Variants in GARIN2 observed in about 807,000 individuals in gnomAD.
The protein encoded by GARIN2 is Golgi-associated RAB2 interactor protein 2.
the GARIN2 span, among the ~76,000 whole-genome samples, chr14:67,196,256 G>A: frequency 1.4e-5 from 2 of 139,728 alleles, no homozygotes; most frequent in Admixed American, 7.4e-5. Flanking sequence ...TGCTCTTGTC[G>A]CCCAGCCTGC....
the GARIN2 span, chr14:67,201,638 C>G: frequency 4.8e-6 from 2 of 420,676 alleles, no homozygotes; most frequent in Admixed American, 2.6e-5. Flanking sequence ...CCACCACTAC[C>G]CATTTAAGTT....
chr14:67,226,755 T>G, the GARIN2 span, among the ~76,000 whole-genome samples: 1 of 152,140 alleles, frequency 6.6e-6, no homozygotes, highest in African/African-American at 2.4e-5. Flanking sequence ...AAACAACAAA[T>G]GTCCACACTC....
chr14:67,206,371 C>T, the GARIN2 span, among the ~76,000 whole-genome samples: 1 of 152,074 alleles, frequency 6.6e-6, no homozygotes, highest in African/African-American at 2.4e-5. Flanking sequence ...TAGTGGGTGC[C>T]TGTAATCCCA....
At chr14:67,200,076 T>C in the GARIN2 span, 1 of 969,872 alleles carries the variant, frequency 1.0e-6, no homozygotes, top group Non-Finnish European at 1.6e-6. Context: ...AACCACCACC[T>C]GGAATGCCTT....
At chr14:67,215,060 T>C in the GARIN2 span, among the ~76,000 whole-genome samples, 7 of 152,200 alleles carry the variant, frequency 4.6e-5, no homozygotes, top group Non-Finnish European at 8.8e-5. Flanking sequence ...CTTAAGGAGA[T>C]TCTGGGCTGA....
chr14:67,213,737 C>G, the GARIN2 span, among the ~76,000 whole-genome samples: 2 of 152,156 alleles, frequency 1.3e-5, no homozygotes, highest in Non-Finnish European at 2.9e-5. Context: ...GAGGAATCGC[C>G]ACACTGACTT....
chr14:67,208,166 T>G, the GARIN2 span: 1 of 1,610,320 alleles, frequency 6.2e-7, no homozygotes. Context: ...GATGCTCTTC[T>G]GTTACCTGAT....
chr14:67,217,813 T>C, the GARIN2 span, among the ~76,000 whole-genome samples: 1 of 152,210 alleles, frequency 6.6e-6, no homozygotes, highest in Non-Finnish European at 1.5e-5. Flanking sequence ...TTATTATTGA[T>C]GTTTGTTACT....
chr14:67,208,493 A>G, the GARIN2 span: 2 of 1,579,724 alleles, frequency 1.3e-6, no homozygotes, highest in Non-Finnish European at 1.7e-6. Flanking sequence ...AAGACATGAA[A>G]TATTAATAAA....
chr14:67,220,922 T>C, the GARIN2 span, among the ~76,000 whole-genome samples: 1 of 152,250 alleles, frequency 6.6e-6, no homozygotes, highest in Non-Finnish European at 1.5e-5. Context: ...ATTATGTCTT[T>C]GCATGTTTAT....
chr14:67,203,356 G>A, the GARIN2 span: 3 of 1,345,056 alleles, frequency 2.2e-6, no homozygotes, highest in African/African-American at 4.4e-5. Context: ...CTGTGGATCT[G>A]AAAACGGAAA....
chr14:67,225,967 GCGCGCGCGTGCGCA>G, the GARIN2 span, among the ~76,000 whole-genome samples: 264 of 147,882 alleles, frequency 1.8e-3, no homozygotes, highest in African/African-American at 5.7e-3. Context: ...GTGTGTGCGC[GCGCGCGCGTGCGCA>G]TGCGCGTGCA....
chr14:67,191,028 G>A, the GARIN2 span, among the ~76,000 whole-genome samples: 1 of 152,220 alleles, frequency 6.6e-6, no homozygotes, highest in Non-Finnish European at 1.5e-5. Context: ...GAGGTCAGGA[G>A]TTCAAGACCA....
the GARIN2 span, among the ~76,000 whole-genome samples, chr14:67,195,727 G>GTA: frequency 6.6e-6 from 1 of 151,140 alleles, no homozygotes; most frequent in Admixed American, 6.6e-5. Context: ...GTGTGTGTGT[G>GTA]TGTGTGTGTG....
the GARIN2 span, among the ~76,000 whole-genome samples, chr14:67,213,720 G>A: frequency 2.6e-5 from 4 of 152,088 alleles, no homozygotes; most frequent in Non-Finnish European, 4.4e-5. Context: ...TCTAGTTCTA[G>A]ATCCCTGAGG....
At chr14:67,198,213 C>G in the GARIN2 span, 2 of 1,613,902 alleles carry the variant, frequency 1.2e-6, no homozygotes, top group South Asian at 2.2e-5. Flanking sequence ...GCAAGATGCT[C>G]TCTGCACCCC....
At chr14:67,199,830 T>C in the GARIN2 span, 2 of 1,500,950 alleles carry the variant, frequency 1.3e-6, no homozygotes, top group Non-Finnish European at 1.8e-6. Context: ...CCACCTGGGA[T>C]ACCCCCAGCC....
chr14:67,228,418 C>T, the GARIN2 span: 7 of 406,758 alleles, frequency 1.7e-5, no homozygotes, highest in South Asian at 1.1e-4. Flanking sequence ...GACTTCTCCA[C>T]CTTTTTTTAA....
chr14:67,207,157 T>C, the GARIN2 span, among the ~76,000 whole-genome samples: 1 of 152,138 alleles, frequency 6.6e-6, no homozygotes, highest in Non-Finnish European at 1.5e-5. Flanking sequence ...CATTGTTGCA[T>C]TGCTATAAAG....
Sources: allele counts gnomAD v4.1 joint callset (sites outside exome capture counted in the v4.1 genomes callset), GRCh38; gene constraint gnomAD v4.1.1; transcripts MANE v1.5; gene names NCBI Gene and HGNC (gene_info 2026-07-23, HGNC 2026-07-21).